The following FIRRM variants were observed in gnomAD, a reference collection of about 807,000 sequenced individuals.
FIRRM encodes FIGNL1-interacting regulator of recombination and mitosis.
At chr1:169,784,266 G>C in the FIRRM span, among the ~76,000 whole-genome samples, 1 of 152,134 alleles carries the variant, frequency 6.6e-6, no homozygotes, top group East Asian at 1.9e-4. Flanking sequence ...CTGTCATCAA[G>C]GGCCTCTCCT....
At chr1:169,793,562 T>C in the FIRRM span, 1 of 1,614,088 alleles carries the variant, frequency 6.2e-7, no homozygotes, top group African/African-American at 1.3e-5. Context: ...ACATTTTCTG[T>C]CCCTCTCTTC....
At chr1:169,834,809 A>G in the FIRRM span, among the ~76,000 whole-genome samples, 1 of 152,188 alleles carries the variant, frequency 6.6e-6, no homozygotes, top group Non-Finnish European at 1.5e-5. Flanking sequence ...GCACTATCTC[A>G]TGATATCTTA....
the FIRRM span, among the ~76,000 whole-genome samples, chr1:169,785,242 C>T: frequency 6.6e-6 from 1 of 152,164 alleles, no homozygotes; most frequent in Non-Finnish European, 1.5e-5. Context: ...GCTGGGCGAG[C>T]TCTTTGGGCT....
the FIRRM span, chr1:169,843,794 CTTTG>C: frequency 7.0e-7 from 1 of 1,438,208 alleles, no homozygotes; most frequent in Non-Finnish European, 9.8e-7. Flanking sequence ...CAGATTGATA[CTTTG>C]TTTGCTAAGG....
chr1:169,825,548 G>GA, the FIRRM span, among the ~76,000 whole-genome samples: 1 of 152,124 alleles, frequency 6.6e-6, no homozygotes, highest in African/African-American at 2.4e-5. Context: ...ATAGTTGATT[G>GA]AAAAAATAAA....
chr1:169,797,430 A>T, the FIRRM span, among the ~76,000 whole-genome samples: 1 of 152,230 alleles, frequency 6.6e-6, no homozygotes, highest in African/African-American at 2.4e-5. Flanking sequence ...CATGAGGCCA[A>T]TTCTACCCTA....
At chr1:169,793,493 T>C in the FIRRM span, 9 of 1,614,032 alleles carry the variant, frequency 5.6e-6, no homozygotes, top group African/African-American at 1.2e-4. Flanking sequence ...GGGAGCTGCA[T>C]TTTCCATTGA....
At chr1:169,850,452 A>G in the FIRRM span, 3 of 748,312 alleles carry the variant, frequency 4.0e-6, no homozygotes, top group Admixed American at 5.2e-5. Flanking sequence ...AACTTTTCAC[A>G]GTGCTGAGCA....
the FIRRM span, among the ~76,000 whole-genome samples, chr1:169,820,422 C>T: frequency 6.6e-6 from 1 of 152,162 alleles, no homozygotes; most frequent in Non-Finnish European, 1.5e-5. Flanking sequence ...AATCCTGTCA[C>T]CCACAGCCGT....
chr1:169,803,076 C>A, the FIRRM span: 2 of 1,102,530 alleles, frequency 1.8e-6, no homozygotes, highest in Non-Finnish European at 2.6e-6. Flanking sequence ...GTGTTTTGTT[C>A]ATTGCTGTAT....
chr1:169,833,870 T>C, the FIRRM span, among the ~76,000 whole-genome samples: 2 of 139,372 alleles, frequency 1.4e-5, no homozygotes, highest in African/African-American at 5.2e-5. Flanking sequence ...TTTTTTTTTT[T>C]TAAATAGAGA....
the FIRRM span, among the ~76,000 whole-genome samples, chr1:169,828,998 T>C: frequency 6.6e-6 from 1 of 152,250 alleles, no homozygotes; most frequent in East Asian, 1.9e-4. Flanking sequence ...TGAGGAACTT[T>C]GACTTTGTGT....
At chr1:169,792,459 A>G in the FIRRM span, 24 of 955,698 alleles carry the variant, frequency 2.5e-5, no homozygotes, top group Non-Finnish European at 3.6e-5. Flanking sequence ...CAATTTGGAT[A>G]AACAAAACTA....
At chr1:169,801,115 C>A in the FIRRM span, 1 of 530,044 alleles carries the variant, frequency 1.9e-6, no homozygotes, top group South Asian at 3.0e-5. Context: ...TCATGTGAGA[C>A]TATAATGGTG....
the FIRRM span, chr1:169,829,421 C>A: frequency 6.2e-7 from 1 of 1,612,684 alleles, no homozygotes; most frequent in Non-Finnish European, 8.5e-7. Flanking sequence ...TTTATTACTT[C>A]CTTTCATCCC....
At chr1:169,807,465 C>T in the FIRRM span, among the ~76,000 whole-genome samples, 2 of 152,154 alleles carry the variant, frequency 1.3e-5, no homozygotes, top group Non-Finnish European at 2.9e-5. Flanking sequence ...ATTTAACATT[C>T]TCTCTCATGC....
chr1:169,828,896 A>G, the FIRRM span, among the ~76,000 whole-genome samples: 3 of 152,130 alleles, frequency 2.0e-5, no homozygotes, highest in East Asian at 3.8e-4. Flanking sequence ...AGTTTCTTCA[A>G]CCATTTTAAT....
chr1:169,828,254 A>C, the FIRRM span, among the ~76,000 whole-genome samples: 85 of 151,984 alleles, frequency 5.6e-4, 1 homozygote, highest in Middle Eastern at 0.014. Context: ...TTCCTGGATT[A>C]CTCTGTGCTC....
the FIRRM span, chr1:169,847,689 G>C: frequency 6.2e-7 from 1 of 1,605,898 alleles, no homozygotes; most frequent in East Asian, 2.2e-5. Context: ...CACCTCTGTA[G>C]GCAGTAACTT....
Sources: allele counts gnomAD v4.1 joint callset (sites outside exome capture counted in the v4.1 genomes callset), GRCh38; gene constraint gnomAD v4.1.1; transcripts MANE v1.5; gene names NCBI Gene and HGNC (gene_info 2026-07-23, HGNC 2026-07-21).